Variants in DLG2 observed in about 807,000 individuals in gnomAD.
The protein encoded by DLG2 is disks large homolog 2.
Under a neutral mutation model 132.5 loss-of-function variants are expected in DLG2, and 45 were observed. That is an observed-to-expected ratio of 0.34 (90% CI 0.27 to 0.44). The LOEUF (loss-of-function observed/expected upper bound fraction) is 0.44. DLG2 is among the 20% of genes least tolerant of loss of function. The probability of loss-of-function intolerance (pLI) is 1.00; values close to 1 mark genes in which losing one functional copy is unlikely to be tolerated. For synonymous variants in DLG2, 424 were observed against 419.6 expected (o/e 1.01, Z -0.13); for missense variants, 1,045 against 1,196.9 (o/e 0.87, Z 1.87).
chr11:85,200,229 G>A (rs1051193604), intron 4 of DLG2, among the ~76,000 whole-genome samples: 1 of 152,166 alleles, frequency 6.6e-6, no homozygotes, highest in African/African-American at 2.4e-5. Flanking sequence ...TTGCCAAAGA[G>A]CTTAGCTATA....
chr11:84,920,895 G>C (rs2092721144), intron 6 of DLG2, among the ~76,000 whole-genome samples: 1 of 151,782 alleles, frequency 6.6e-6, no homozygotes, highest in African/African-American at 2.4e-5. Context: ...ATTGTGTGCA[G>C]AGAAAAAAAA....
chr11:84,984,084 T>G (rs1184050532), intron 6 of DLG2, among the ~76,000 whole-genome samples: 3 of 152,162 alleles, frequency 2.0e-5, no homozygotes, highest in Non-Finnish European at 4.4e-5. Context: ...GAAAATATAT[T>G]TGGGGGAATA....
intron 10 of DLG2, among the ~76,000 whole-genome samples, chr11:84,090,529 T>C (rs1179496973): frequency 1.3e-5 from 2 of 151,702 alleles, no homozygotes; most frequent in African/African-American, 4.8e-5. Flanking sequence ...TTACTCTTAA[T>C]CAAGTAAATG....
intron 18 of DLG2, among the ~76,000 whole-genome samples, chr11:83,779,538 C>T (rs1333428186): frequency 6.6e-6 from 1 of 152,096 alleles, no homozygotes; most frequent in Non-Finnish European, 1.5e-5. Flanking sequence ...CATTGCATTC[C>T]ATTCCTTGGG....
At chr11:85,297,617 T>C (rs1456712877) in intron 3 of DLG2, among the ~76,000 whole-genome samples, 1 of 152,220 alleles carries the variant, frequency 6.6e-6, no homozygotes, top group Non-Finnish European at 1.5e-5. Context: ...ATTCCATTCA[T>C]TCTTTTCCTT....
At chr11:85,079,849 C>T (rs1444886489) in intron 6 of DLG2, among the ~76,000 whole-genome samples, 1 of 152,050 alleles carries the variant, frequency 6.6e-6, no homozygotes, top group Non-Finnish European at 1.5e-5. Flanking sequence ...CCAGGATAGT[C>T]TCAATCTCCT....
chr11:84,616,014 T>C (rs2099603795), intron 6 of DLG2, among the ~76,000 whole-genome samples: 1 of 151,926 alleles, frequency 6.6e-6, no homozygotes. Flanking sequence ...CAGACATTAG[T>C]AAGCAAAGGA....
At chr11:84,975,497 A>C (rs553378499) in intron 6 of DLG2, among the ~76,000 whole-genome samples, 16 of 152,210 alleles carry the variant, frequency 1.1e-4, no homozygotes, top group Non-Finnish European at 1.9e-4. Context: ...GATCATGAGA[A>C]ATACAACAAA....
At chr11:84,709,098 G>C (rs986893682) in intron 6 of DLG2, among the ~76,000 whole-genome samples, 1 of 151,836 alleles carries the variant, frequency 6.6e-6, no homozygotes, top group African/African-American at 2.4e-5. Context: ...ATCAGACTCT[G>C]AAGTGAGATA....
intron 4 of DLG2, among the ~76,000 whole-genome samples, chr11:85,241,966 C>T (rs2075901745): frequency 6.6e-6 from 1 of 151,900 alleles, no homozygotes; most frequent in Admixed American, 6.6e-5. Context: ...ATAAGCAATC[C>T]TAACTCAAAC....
rs1019723630 is a variant in DLG2 at position 85,168,048 on chromosome 11, G to A, written c.187-13397C>T. ...ACAAATAAAACTAGGCACAACCTAGGAGTTCAAGAGAAGAGAGTATCAGTT... is the reference window on the plus strand; with the variant it reads ...ACAAATAAAACTAGGCACAACCTAGAAGTTCAAGAGAAGAGAGTATCAGTT... On this transcript the variant is annotated intron_variant, in intron 4 of 27. Transcript: ENST00000376104. 2.6e-5 allele frequency among the ~76,000 whole-genome samples: 4 copies of A among 152,212 alleles called. No individual in the cohort carries two copies. In the East Asian group the frequency reaches 7.7e-4, roughly 29 times the overall value.
intron 15 of DLG2, among the ~76,000 whole-genome samples, chr11:83,925,484 A>G (rs1299420222): frequency 1.3e-5 from 2 of 152,148 alleles, no homozygotes. Context: ...TATATATCAC[A>G]TGGTAAGTAA....
At chr11:84,775,536 G>T (rs962591078) in intron 6 of DLG2, among the ~76,000 whole-genome samples, 3 of 151,946 alleles carry the variant, frequency 2.0e-5, no homozygotes, top group South Asian at 2.1e-4. Flanking sequence ...CATCAATGCC[G>T]GACTGGATAA....
chr11:83,647,830 T>G (rs1454324105), intron 18 of DLG2: 1 of 152,146 alleles, frequency 6.6e-6, no homozygotes, highest in East Asian at 1.9e-4. Flanking sequence ...AACTCAAAAT[T>G]TATATTTAAT....
At chr11:85,463,972 C>T (rs539862699) in intron 3 of DLG2, among the ~76,000 whole-genome samples, 1 of 32,318 alleles carries the variant, frequency 3.1e-5, no homozygotes, top group Admixed American at 3.0e-4. Context: ...ATATTATGCA[C>T]CATATAGACA....
chr11:85,417,903 ATT>A (rs896664426), intron 3 of DLG2, among the ~76,000 whole-genome samples: 1 of 151,770 alleles, frequency 6.6e-6, no homozygotes, highest in Non-Finnish European at 1.5e-5. Context: ...GGATTCATTG[ATT>A]TTTTTGAAGG....
chr11:85,462,043 T>G (rs977633268), intron 3 of DLG2, among the ~76,000 whole-genome samples: 1 of 152,200 alleles, frequency 6.6e-6, no homozygotes, highest in African/African-American at 2.4e-5. Context: ...AAAAGACACA[T>G]GAAAACATGC....
intron 3 of DLG2, among the ~76,000 whole-genome samples, chr11:85,492,428 C>T (rs1412510302): frequency 1.3e-5 from 2 of 152,072 alleles, no homozygotes; most frequent in Admixed American, 6.5e-5. Context: ...CTAGATATAC[C>T]ATGGTTTTCT....
intron 3 of DLG2, among the ~76,000 whole-genome samples, chr11:85,445,230 G>T (rs1272979400): frequency 6.6e-6 from 1 of 152,142 alleles, no homozygotes; most frequent in Admixed American, 6.5e-5. Flanking sequence ...AAGGATTTTG[G>T]ATGGTGGGGA....
Sources: allele counts gnomAD v4.1 joint callset (sites outside exome capture counted in the v4.1 genomes callset), GRCh38; gene constraint gnomAD v4.1.1; transcripts MANE v1.5; gene names NCBI Gene and HGNC (gene_info 2026-07-23, HGNC 2026-07-21).